PCDH9: variants seen among roughly 807,000 people sequenced by gnomAD.
PCDH9 encodes the protein protocadherin-9.
A neutral mutation model predicts 70.6 loss-of-function variants in PCDH9; 24 were observed. That is an observed-to-expected ratio of 0.34 (90% CI 0.25 to 0.48). The LOEUF (loss-of-function observed/expected upper bound fraction) is 0.48. Among genes scored for constraint, PCDH9 ranks in the 20% least tolerant of loss-of-function variants. PCDH9 has a pLI of 0.99. For synonymous variants in PCDH9, 562 were observed against 558.5 expected (o/e 1.01, Z -0.09); for missense variants, 1,281 against 1,503.6 (o/e 0.85, Z 2.45).
intron 2 of PCDH9, among the ~76,000 whole-genome samples, chr13:66,952,189 C>T (rs1003871756): frequency 2.0e-5 from 3 of 152,258 alleles, no homozygotes; most frequent in East Asian, 3.9e-4. Flanking sequence ...AGGGTACATA[C>T]GCTTCTCCAG....
Position 66,525,529 on chromosome 13 carries a change from TAAAAC to T in PCDH9, c.3340+105676_3340+105680del, listed in dbSNP as rs1300556307. Among the ~76,000 whole-genome samples the T allele has an allele frequency of 7.2e-5, 11 of 152,212 alleles. No individual in the cohort carries two copies. The South Asian group carries it at 8.3e-4, about 12-fold the overall frequency. On this transcript the variant is annotated intron_variant, in intron 4 of 4. Transcript: ENST00000377865. Reference sequence around the variant, plus strand: ...CACTTGTCTAAATCTTTTTCCATCTTAAAACAAAGCAAAAATCAAAACAAAACAAA... The same window carrying T: ...CACTTGTCTAAATCTTTTTCCATCTTAAAGCAAAAATCAAAACAAAACAAA...
chr13:66,582,531 G>A (rs1214882414), intron 4 of PCDH9, among the ~76,000 whole-genome samples: 1 of 152,092 alleles, frequency 6.6e-6, no homozygotes, highest in African/African-American at 2.4e-5. Flanking sequence ...TACTTGAGAG[G>A]CTGAGGCAGG....
chr13:67,124,682 G>A (rs1292038309), intron 2 of PCDH9, among the ~76,000 whole-genome samples: 1 of 152,074 alleles, frequency 6.6e-6, no homozygotes, highest in Admixed American at 6.6e-5. Flanking sequence ...CCTTCTTGTG[G>A]CATTATTGTT....
chr13:66,696,972 C>T (rs749151914), intron 3 of PCDH9, among the ~76,000 whole-genome samples: 1 of 151,652 alleles, frequency 6.6e-6, no homozygotes, highest in Non-Finnish European at 1.5e-5. Flanking sequence ...GTGGTATGTA[C>T]CTGCAGTCTC....
chr13:67,023,300 CAACT>C (rs1403523300), intron 2 of PCDH9, among the ~76,000 whole-genome samples: 12 of 152,108 alleles, frequency 7.9e-5, no homozygotes, highest in South Asian at 2.1e-4. Flanking sequence ...TTTTCACCAC[CAACT>C]GTCATTTGCC....
intron 3 of PCDH9, among the ~76,000 whole-genome samples, chr13:66,849,501 T>G (rs1483265451): frequency 1.1e-3 from 88 of 82,676 alleles, no homozygotes; most frequent in Admixed American, 1.9e-3. Context: ...TATATATATA[T>G]ATATATATAT....
chr13:66,380,605 G>A (rs1005234647), intron 4 of PCDH9, among the ~76,000 whole-genome samples: 23 of 133,880 alleles, frequency 1.7e-4, no homozygotes, highest in East Asian at 2.3e-4. Flanking sequence ...GTGCAGTGGC[G>A]TCATCTCGGC....
At chr13:66,400,077 T>G (rs1957162640) in intron 4 of PCDH9, among the ~76,000 whole-genome samples, 1 of 152,192 alleles carries the variant, frequency 6.6e-6, no homozygotes, top group Non-Finnish European at 1.5e-5. Context: ...TCGCTCACAC[T>G]CTGCAGTAAC....
intron 4 of PCDH9, among the ~76,000 whole-genome samples, chr13:66,502,007 A>C (rs1020725382): frequency 5.9e-5 from 9 of 152,134 alleles, no homozygotes; most frequent in African/African-American, 1.9e-4. Context: ...GTGAAGGCTT[A>C]GTTTAACAAA....
chr13:66,555,638 G>A (rs1593668726), intron 4 of PCDH9, among the ~76,000 whole-genome samples: 1 of 143,222 alleles, frequency 7.0e-6, no homozygotes, highest in South Asian at 2.3e-4. Flanking sequence ...ACTGAGGGTA[G>A]GGCTTTTGAC....
At chr13:67,086,044 T>C (rs1432734459) in intron 2 of PCDH9, among the ~76,000 whole-genome samples, 1 of 152,166 alleles carries the variant, frequency 6.6e-6, no homozygotes, top group East Asian at 1.9e-4. Context: ...ATTAATGCTC[T>C]ATTGAGGCAA....
At chr13:66,647,302 G>A (rs1483336436) in intron 3 of PCDH9, among the ~76,000 whole-genome samples, 1 of 152,126 alleles carries the variant, frequency 6.6e-6, no homozygotes, top group Non-Finnish European at 1.5e-5. Context: ...TTTTACTTGA[G>A]GTGAGGAGAG....
At chr13:66,753,436 A>G (rs2079490871) in intron 3 of PCDH9, among the ~76,000 whole-genome samples, 1 of 152,232 alleles carries the variant, frequency 6.6e-6, no homozygotes. Context: ...TATACATATC[A>G]AAACATCACT....
chr13:66,761,606 T>C (rs2079628714), intron 3 of PCDH9, among the ~76,000 whole-genome samples: 1 of 152,154 alleles, frequency 6.6e-6, no homozygotes, highest in Non-Finnish European at 1.5e-5. Context: ...TTCTTTCTTC[T>C]ACTTTATCAA....
At chr13:66,752,484 AC>A (rs1406524560) in intron 3 of PCDH9, among the ~76,000 whole-genome samples, 2 of 152,076 alleles carry the variant, frequency 1.3e-5, no homozygotes, top group African/African-American at 2.4e-5. Flanking sequence ...TTTTGTAGAG[AC>A]AGGGTTTCAC....
chr13:66,346,588 A>G (rs968637044), intron 4 of PCDH9, among the ~76,000 whole-genome samples: 14 of 152,174 alleles, frequency 9.2e-5, no homozygotes, highest in Non-Finnish European at 1.8e-4. Flanking sequence ...CAATGCTTCA[A>G]TTCCTGCAAT....
chr13:66,342,424 G>A (rs769015438), intron 4 of PCDH9, among the ~76,000 whole-genome samples: 8 of 152,258 alleles, frequency 5.3e-5, no homozygotes, highest in East Asian at 3.9e-4. Context: ...GTTATAAACC[G>A]TTTACTATAT....
intron 3 of PCDH9, among the ~76,000 whole-genome samples, chr13:66,763,639 G>A (rs2079663156): frequency 1.3e-5 from 2 of 152,068 alleles, no homozygotes; most frequent in South Asian, 4.1e-4. Context: ...ATTTGGTAGA[G>A]AGGGGAGATA....
chr13:66,686,170 T>C (rs992835169), intron 3 of PCDH9, among the ~76,000 whole-genome samples: 2 of 152,142 alleles, frequency 1.3e-5, no homozygotes, highest in African/African-American at 4.8e-5. Flanking sequence ...ATAATCCCCA[T>C]GTGTCATGAG....
Sources: gnomAD v4.1 joint callset for allele counts (sites outside exome capture counted in the v4.1 genomes callset) on GRCh38, gnomAD v4.1.1 for gene constraint, MANE v1.5 for transcripts, NCBI Gene and HGNC (gene_info 2026-07-23, HGNC 2026-07-21) for gene names.